The following MSRA variants were observed in gnomAD, a reference collection of about 807,000 sequenced individuals.
The protein encoded by MSRA is mitochondrial peptide methionine sulfoxide reductase.
In MSRA, 54 loss-of-function variants were observed where a neutral mutation model predicts 31.3. The observed-to-expected ratio is 1.73, with a 90% CI of 1.39 to 2.17. The LOEUF (loss-of-function observed/expected upper bound fraction) is 2.17. MSRA is among the 30% of genes most tolerant of loss of function. MSRA has a pLI of 0.00. For synonymous variants in MSRA, 169 were observed against 116.5 expected (o/e 1.45, Z -2.90); for missense variants, 507 against 300.9 (o/e 1.69, Z -5.07).
intron 1 of MSRA, among the ~76,000 whole-genome samples, chr8:10,120,403 G>T (rs988325498): frequency 2.6e-5 from 4 of 152,120 alleles, no homozygotes; most frequent in Non-Finnish European, 5.9e-5. Flanking sequence ...ATCCGTGTCT[G>T]GTTTCTGACA....
intron 2 of MSRA, among the ~76,000 whole-genome samples, chr8:10,220,419 A>T (rs1238273538): frequency 6.6e-6 from 1 of 152,228 alleles, no homozygotes. Context: ...GAAGAAACTC[A>T]AAACAATCTT....
intron 1 of MSRA, among the ~76,000 whole-genome samples, chr8:10,066,565 CTGT>C (rs920669055): frequency 1.3e-4 from 20 of 152,116 alleles, no homozygotes; most frequent in African/African-American, 4.1e-4. Context: ...CGGAGTTTCA[CTGT>C]TGTTACCCAT....
chr8:10,200,646 A>G (rs928377059), intron 1 of MSRA, among the ~76,000 whole-genome samples: 7 of 152,110 alleles, frequency 4.6e-5, no homozygotes, highest in Admixed American at 3.3e-4. Flanking sequence ...CCAGTGACTC[A>G]CCCAGCACCA....
rs563762154 is a variant in MSRA, at chr8:10,076,729, C to T, written c.142+22071C>T. ...TGGTGGCTGGCTCTGTAGTGCCTCC[C>T]GGCTCTGGGTTCTACTTTCCTAGTC... On this transcript the variant is annotated intron_variant, in intron 1 of 5. Transcript: ENST00000317173. Among the ~76,000 whole-genome samples the T allele has an allele frequency of 5.9e-5, 9 of 152,136 alleles. No individual in the cohort carries two copies. The South Asian group carries it at 1.2e-3, about 21-fold the overall frequency.
rs547009315 is a variant in MSRA, at chr8:10,188,319, A to G, written c.143-19514A>G. 2.7e-4 allele frequency among the ~76,000 whole-genome samples: 41 copies of G among 152,252 alleles called. 1 individual carries two copies. The highest frequency in any genetic ancestry group is 5.4e-4 in the Non-Finnish European group (37 of 68,030). On this transcript the variant is annotated intron_variant, in intron 1 of 5. Coordinates refer to ENST00000317173, the MANE Select transcript of MSRA (RefSeq NM_012331.5). ...GTGGATTTGTGTAACACAGATCTATAGAACTGTTCATCACTCCAAAGAAAC... is the reference window on the plus strand; with the variant it reads ...GTGGATTTGTGTAACACAGATCTATGGAACTGTTCATCACTCCAAAGAAAC...
At chr8:10,358,634 C>T (rs550302793) in intron 5 of MSRA, among the ~76,000 whole-genome samples, 3 of 117,956 alleles carry the variant, frequency 2.5e-5, no homozygotes, top group Non-Finnish European at 4.8e-5. Flanking sequence ...GCTCTGTCGC[C>T]CAGGCTGGAG....
In MSRA at chr8:10,210,721, C is replaced by G. The variant is rs143955947; in HGVS notation, c.211+2820C>G. Among the ~76,000 whole-genome samples the G allele has an allele frequency of 4.6e-5, 7 of 151,366 alleles. No individual in the cohort carries two copies. The East Asian group carries it at 1.4e-3, about 29-fold the overall frequency. ...TTCATATTTTGTGATAAAATAGTAT[C>G]ACTAATTATAATGTCATTTTTTTTT... is the stretch of plus-strand genomic sequence containing the variant. On this transcript the variant is annotated intron_variant, in intron 2 of 5. Transcript: ENST00000317173.
intron 1 of MSRA, among the ~76,000 whole-genome samples, chr8:10,152,784 C>G (rs967065260): frequency 6.6e-6 from 1 of 152,140 alleles, no homozygotes; most frequent in African/African-American, 2.4e-5. Context: ...AACAGGTAGA[C>G]AGAATGTGGT....
chr8:10,069,958 T>C (rs916417747), intron 1 of MSRA, among the ~76,000 whole-genome samples: 2 of 152,200 alleles, frequency 1.3e-5, no homozygotes. Context: ...GAAATATTGA[T>C]ATGTTTGTTA....
intron 3 of MSRA, among the ~76,000 whole-genome samples, chr8:10,299,047 C>T (rs1375356793): frequency 6.6e-6 from 1 of 152,182 alleles, no homozygotes; most frequent in African/African-American, 2.4e-5. Flanking sequence ...GTATCCTCAA[C>T]AGCACTAAGA....
At chr8:10,075,199 G>A (rs1019516318) in intron 1 of MSRA, among the ~76,000 whole-genome samples, 3 of 152,040 alleles carry the variant, frequency 2.0e-5, no homozygotes, top group Non-Finnish European at 4.4e-5. Context: ...TACTTATGTG[G>A]ATCCCTCCCA....
At chr8:10,271,603 C>CA (rs779815450) in intron 3 of MSRA, among the ~76,000 whole-genome samples, 4 of 35,152 alleles carry the variant, frequency 1.1e-4, no homozygotes, top group African/African-American at 3.3e-4. Context: ...TTTATCTCTA[C>CA]AAAAAATTCC....
chr8:10,255,604 G>C (rs1454887756), intron 3 of MSRA, among the ~76,000 whole-genome samples: 3 of 152,098 alleles, frequency 2.0e-5, no homozygotes, highest in South Asian at 2.1e-4. Flanking sequence ...ACCTGAACTT[G>C]TGTGTCTTTG....
intron 1 of MSRA, among the ~76,000 whole-genome samples, chr8:10,183,805 G>C (rs139544488): frequency 0.025 from 3,724 of 148,826 alleles, 61 homozygotes; most frequent in South Asian, 0.052. Context: ...GGTGGTGGTG[G>C]TGGTGCTGCT....
At chr8:10,345,824 A>G (rs571745294) in intron 5 of MSRA, among the ~76,000 whole-genome samples, 2 of 152,340 alleles carry the variant, frequency 1.3e-5, no homozygotes, top group South Asian at 4.1e-4. Context: ...AAAAGGTCAA[A>G]TCTACCTTTT....
At chr8:10,346,238 C>G (rs1248799781) in intron 5 of MSRA, among the ~76,000 whole-genome samples, 1 of 152,198 alleles carries the variant, frequency 6.6e-6, no homozygotes, top group Non-Finnish European at 1.5e-5. Flanking sequence ...TGCTTATTCA[C>G]TGAACCTAGT....
chr8:10,321,722 C>T lies in MSRA; in HGVS notation c.543+1733C>T, dbSNP rs148703064. 4.3e-3 allele frequency among the ~76,000 whole-genome samples: 660 copies of T among 152,290 alleles called. 2 individuals are homozygous for T. Among genetic ancestry groups the T allele is most frequent in the Non-Finnish European group, 6.7e-3 (456 of 68,020 alleles). ...AGATGGTAGGGGAAGCCAGTTGCCA[C>T]GTCATGAAGCAGCCCTGTGCAGAGG... On this transcript the variant is annotated intron_variant, in intron 5 of 5. Coordinates refer to ENST00000317173, the MANE Select transcript of MSRA (RefSeq NM_012331.5).
At chr8:10,272,656 C>T (rs1236715694) in intron 3 of MSRA, among the ~76,000 whole-genome samples, 1 of 152,128 alleles carries the variant, frequency 6.6e-6, no homozygotes, top group Non-Finnish European at 1.5e-5. Flanking sequence ...TAAAATTAAC[C>T]CTCACTCTTA....
In MSRA at chr8:10,422,255, C is replaced by A. The variant is rs988677150; in HGVS notation, c.544-5893C>A. On this transcript the variant is annotated intron_variant, in intron 5 of 5. Coordinates refer to ENST00000317173, the MANE Select transcript of MSRA (RefSeq NM_012331.5). ...CAACCATGGTTGCACCAGTGTACTC[C>A]AGCCTGGGTGGCAGAGCAAGACCCT... is the stretch of plus-strand genomic sequence containing the variant. Among the ~76,000 whole-genome samples, 3 of 152,146 alleles carry A rather than the reference C, an allele frequency of 2.0e-5. No homozygotes were observed. The East Asian group carries it at 5.8e-4, about 29-fold the overall frequency.
Sources: gnomAD v4.1 joint callset for allele counts (sites outside exome capture counted in the v4.1 genomes callset) on GRCh38, gnomAD v4.1.1 for gene constraint, MANE v1.5 for transcripts, NCBI Gene and HGNC (gene_info 2026-07-23, HGNC 2026-07-21) for gene names.